The following ADGRL3 variants were observed in gnomAD, a reference collection of about 807,000 sequenced individuals.
ADGRL3 encodes adhesion G protein-coupled receptor L3.
ADGRL3 carries 62 observed loss-of-function variants against 153.5 expected under a neutral mutation model. The observed-to-expected ratio is 0.40, with a 90% CI of 0.33 to 0.50. ADGRL3 has a LOEUF of 0.50. Among genes scored for constraint, ADGRL3 ranks in the 20% least tolerant of loss-of-function variants. ADGRL3 has a pLI of 0.47. For synonymous variants in ADGRL3, 710 were observed against 672.5 expected (o/e 1.06, Z -0.86); for missense variants, 1,641 against 1,859.4 (o/e 0.88, Z 2.16).
intron 5 of ADGRL3, among the ~76,000 whole-genome samples, chr4:61,660,138 T>G (rs1325811746): frequency 1.3e-5 from 2 of 152,198 alleles, no homozygotes; most frequent in African/African-American, 4.8e-5. Flanking sequence ...CTGAAAAATG[T>G]GTGAGGCTTT....
intron 6 of ADGRL3, among the ~76,000 whole-genome samples, chr4:61,708,747 G>A (rs1433154561): frequency 6.6e-6 from 1 of 151,960 alleles, no homozygotes; most frequent in African/African-American, 2.4e-5. Context: ...AATAAAAATA[G>A]ATCAAAGTTG....
At chr4:61,368,594 G>A (rs1246571394) in intron 1 of ADGRL3, among the ~76,000 whole-genome samples, 2 of 151,644 alleles carry the variant, frequency 1.3e-5, no homozygotes, top group Non-Finnish European at 3.0e-5. Flanking sequence ...CTATATCTCT[G>A]TTTTGGTACC....
chr4:61,692,564 TC>T (rs1358198181), intron 6 of ADGRL3, among the ~76,000 whole-genome samples: 1 of 151,750 alleles, frequency 6.6e-6, no homozygotes, highest in Non-Finnish European at 1.5e-5. Flanking sequence ...TGCCTCAGCC[TC>T]CCAAGTAACT....
In ADGRL3 at chr4:61,946,700, A is replaced by G. The variant is rs564208868; in HGVS notation, c.2420-214A>G. Among the ~76,000 whole-genome samples, 8 of 152,218 alleles carry G rather than the reference A, an allele frequency of 5.3e-5. No homozygotes were observed. The East Asian group carries it at 1.2e-3, about 22-fold the overall frequency. ...AACTTAGTTTTGAGTATGGAGTGAG[A>G]TAGGGATTGAGGCTCATTTTAAAAA... On this transcript the variant is annotated intron_variant, in intron 15 of 26. Transcript: ENST00000683033.
At chr4:62,069,975 A>T (rs964022530) in intron 26 of ADGRL3, 134 bp from the exon 27 acceptor site, 3 of 713,348 alleles carry the variant, frequency 4.2e-6, no homozygotes, top group Admixed American at 2.8e-5. Context: ...TTCCTTCCAA[A>T]CATTTTATAC....
chr4:61,429,598 C>T (rs1443345945), intron 2 of ADGRL3, among the ~76,000 whole-genome samples: 1 of 152,118 alleles, frequency 6.6e-6, no homozygotes, highest in African/African-American at 2.4e-5. Flanking sequence ...TTCCTTTTCT[C>T]TTTGAATATC....
chr4:62,022,272 G>A (rs1358564818), intron 21 of ADGRL3, among the ~76,000 whole-genome samples: 1 of 152,174 alleles, frequency 6.6e-6, no homozygotes, highest in African/African-American at 2.4e-5. Flanking sequence ...GTTCTATGAA[G>A]GCTGAGAGAG....
At chr4:61,785,134 G>A (rs1199614034) in intron 8 of ADGRL3, among the ~76,000 whole-genome samples, 2 of 152,214 alleles carry the variant, frequency 1.3e-5, no homozygotes, top group Middle Eastern at 3.4e-3. Flanking sequence ...AAGGGGGTTA[G>A]GAGGGAGATT....
chr4:61,756,614 T>C (rs6852160), intron 8 of ADGRL3, among the ~76,000 whole-genome samples: 67,251 of 151,436 alleles, frequency 0.44, 15,213 homozygotes, highest in East Asian at 0.63. Context: ...CCTTTATTTC[T>C]TTCTCTTGCC....
intron 5 of ADGRL3, among the ~76,000 whole-genome samples, chr4:61,603,823 C>A (rs2099021681): frequency 6.6e-6 from 1 of 152,058 alleles, no homozygotes; most frequent in Non-Finnish European, 1.5e-5. Flanking sequence ...ATCTCAGAAT[C>A]TTTGAGGTTC....
intron 21 of ADGRL3, among the ~76,000 whole-genome samples, chr4:62,011,230 T>G (rs2099184946): frequency 6.6e-6 from 1 of 152,120 alleles, no homozygotes; most frequent in Admixed American, 6.5e-5. Flanking sequence ...GCATACAAAT[T>G]TATTTATTAC....
At chr4:61,746,923 G>GT (rs1175455609) in intron 8 of ADGRL3, among the ~76,000 whole-genome samples, 1 of 152,066 alleles carries the variant, frequency 6.6e-6, no homozygotes, top group Non-Finnish European at 1.5e-5. Context: ...CCAGGAGCTG[G>GT]TTTTTTGAAA....
At chr4:61,588,503 AG>A (rs1353900174) in intron 5 of ADGRL3, among the ~76,000 whole-genome samples, 1 of 151,996 alleles carries the variant, frequency 6.6e-6, no homozygotes, top group Non-Finnish European at 1.5e-5. Context: ...ATAATATGTC[AG>A]GTTTTTGATG....
intron 1 of ADGRL3, among the ~76,000 whole-genome samples, chr4:61,250,233 A>G (rs1758719993): frequency 2.0e-5 from 3 of 152,310 alleles, no homozygotes; most frequent in South Asian, 4.1e-4. Context: ...CCCTGAAGCT[A>G]TCAATCTACC....
At chr4:61,660,462 T>A (rs1485574506) in intron 5 of ADGRL3, among the ~76,000 whole-genome samples, 3 of 152,146 alleles carry the variant, frequency 2.0e-5, no homozygotes, top group Non-Finnish European at 4.4e-5. Flanking sequence ...TTTTTAAATC[T>A]ATTTTAAATG....
At chr4:61,801,847 A>G (rs1160320817) in intron 8 of ADGRL3, among the ~76,000 whole-genome samples, 1 of 152,148 alleles carries the variant, frequency 6.6e-6, no homozygotes, top group Non-Finnish European at 1.5e-5. Context: ...TTTTTCAGTA[A>G]TGAATATGCT....
intron 8 of ADGRL3, among the ~76,000 whole-genome samples, chr4:61,734,892 C>A (rs1202898348): frequency 1.3e-5 from 2 of 152,198 alleles, no homozygotes; most frequent in African/African-American, 4.8e-5. Context: ...CTTTGAAGGG[C>A]ATTTAACATT....
At chr4:61,532,588 A>G (rs2098629581) in intron 4 of ADGRL3, among the ~76,000 whole-genome samples, 1 of 148,386 alleles carries the variant, frequency 6.7e-6, no homozygotes, top group African/African-American at 2.5e-5. Context: ...AAGGAATTCA[A>G]CTGATGGCTA....
chr4:61,684,081 G>A (rs1257413467), intron 6 of ADGRL3, among the ~76,000 whole-genome samples: 1 of 152,224 alleles, frequency 6.6e-6, no homozygotes, highest in East Asian at 1.9e-4. Flanking sequence ...AAGAGGTACA[G>A]AAAATAAACC....
Sources: gnomAD v4.1 joint callset for allele counts (sites outside exome capture counted in the v4.1 genomes callset) on GRCh38, gnomAD v4.1.1 for gene constraint, MANE v1.5 for transcripts, NCBI Gene and HGNC (gene_info 2026-07-23, HGNC 2026-07-21) for gene names.